RGS7: variants seen among roughly 807,000 people sequenced by gnomAD.
The protein encoded by RGS7 is regulator of G-protein signaling 7.
A neutral mutation model predicts 81.1 loss-of-function variants in RGS7; 27 were observed. The ratio of observed to expected loss-of-function variants is 0.33; its 90% CI spans 0.25 to 0.46. The LOEUF (loss-of-function observed/expected upper bound fraction) is 0.46. Ranked by LOEUF, RGS7 falls within the 20% of genes least tolerant of loss-of-function variation. The pLI, the probability that RGS7 is intolerant of heterozygous loss-of-function variation, is 1.00. For missense variants in RGS7, 396 were observed against 607.4 expected (o/e 0.65, Z 3.66); for synonymous variants, 208 against 207.7 (o/e 1.00, Z -0.01).
intron 2 of RGS7, among the ~76,000 whole-genome samples, chr1:241,140,068 T>C (rs537358665): frequency 6.6e-6 from 1 of 152,308 alleles, no homozygotes; most frequent in African/African-American, 2.4e-5. Context: ...TCTTCTCTCT[T>C]GTCTCCCCTC....
chr1:241,264,680 A>G (rs2077495874), intron 2 of RGS7, among the ~76,000 whole-genome samples: 1 of 152,236 alleles, frequency 6.6e-6, no homozygotes, highest in Admixed American at 6.5e-5. Context: ...CCAGTAAGCT[A>G]CATGATCTTT....
chr1:241,297,170 G>A (rs1162790054), intron 2 of RGS7, among the ~76,000 whole-genome samples: 1 of 152,074 alleles, frequency 6.6e-6, no homozygotes, highest in Non-Finnish European at 1.5e-5. Context: ...ATGAACTGCT[G>A]TATCCCCAGA....
intron 2 of RGS7, among the ~76,000 whole-genome samples, chr1:241,196,394 A>T (rs1318683567): frequency 6.6e-6 from 1 of 152,046 alleles, no homozygotes; most frequent in African/African-American, 2.4e-5. Flanking sequence ...GTAAAAAAAA[A>T]CCCCATCTGT....
At chr1:241,208,192 C>T (rs996342479) in intron 2 of RGS7, among the ~76,000 whole-genome samples, 5 of 152,148 alleles carry the variant, frequency 3.3e-5, no homozygotes, top group African/African-American at 9.7e-5. Flanking sequence ...GCGTGAGCCA[C>T]CGCGCCTGGA....
At chr1:240,932,068 T>C (rs1314413364) in intron 5 of RGS7, among the ~76,000 whole-genome samples, 7 of 152,208 alleles carry the variant, frequency 4.6e-5, no homozygotes, top group Non-Finnish European at 1.0e-4. Context: ...CATCTCTGAT[T>C]ATCTGATCAT....
intron 3 of RGS7, among the ~76,000 whole-genome samples, chr1:241,061,005 C>T (rs2061713243): frequency 6.6e-6 from 1 of 152,214 alleles, no homozygotes; most frequent in Non-Finnish European, 1.5e-5. Flanking sequence ...GCCCATGCCA[C>T]CACCTGCTCC....
chr1:240,884,757 A>T (rs1667057194), intron 6 of RGS7, among the ~76,000 whole-genome samples: 1 of 152,356 alleles, frequency 6.6e-6, no homozygotes, highest in Admixed American at 6.5e-5. Flanking sequence ...AATTCAACTT[A>T]AGATGGATTA....
intron 6 of RGS7, among the ~76,000 whole-genome samples, chr1:240,908,439 G>A (rs963290682): frequency 3.3e-5 from 5 of 152,146 alleles, no homozygotes; most frequent in Admixed American, 1.3e-4. Context: ...ATGAATGAAC[G>A]AATGTCTTTC....
intron 18 of RGS7, 129 bp from the exon 19 acceptor site, chr1:240,776,342 A>G (rs1572020493): frequency 4.1e-6 from 3 of 732,216 alleles, no homozygotes; most frequent in Non-Finnish European, 7.4e-6. Flanking sequence ...CTTTAAGTCC[A>G]TCTTAGTTCA....
chr1:240,776,097 C>A lies in RGS7; in HGVS notation c.*123G>T. The A allele has an allele frequency of 2.5e-6, 3 of 1,214,450 alleles. No individual in the cohort carries two copies. The South Asian group carries it at 3.6e-5, about 15-fold the overall frequency. 75.2% of individuals were successfully genotyped at this position (1,214,450 alleles called of 1,614,324 possible). A position where few individuals can be genotyped will look rare whatever the true frequency, so the allele number is the denominator to read the frequency against. On this transcript the variant is annotated 3_prime_UTR_variant, in exon 19 of 19. Coordinates refer to ENST00000440928, the MANE Select transcript of RGS7 (RefSeq NM_001364886.1). ...TGTTCTAATGTCCTCTGCTCCAGGT[C>A]ACAACATTGAGCTACAAAGTGTGTG... is the stretch of plus-strand genomic sequence containing the variant.
At chr1:240,853,801 T>G (rs564531206) in intron 9 of RGS7, among the ~76,000 whole-genome samples, 1 of 143,532 alleles carries the variant, frequency 7.0e-6, no homozygotes, top group African/African-American at 2.6e-5. Flanking sequence ...CTCAGGAGGC[T>G]GAGGCAGGAG....
At chr1:240,812,989 GA>G (rs1301833180) in intron 13 of RGS7, among the ~76,000 whole-genome samples, 1 of 152,152 alleles carries the variant, frequency 6.6e-6, no homozygotes, top group African/African-American at 2.4e-5. Context: ...AGAGAGACCA[GA>G]AATGCAATCT....
At chr1:240,843,266 TC>T (rs1468063882) in intron 9 of RGS7, among the ~76,000 whole-genome samples, 1 of 152,118 alleles carries the variant, frequency 6.6e-6, no homozygotes, top group African/African-American at 2.4e-5. Context: ...TATCTTTTTT[TC>T]TTTTTTCTTT....
chr1:241,191,185 T>A (rs995248972), intron 2 of RGS7, among the ~76,000 whole-genome samples: 1 of 152,156 alleles, frequency 6.6e-6, no homozygotes, highest in Non-Finnish European at 1.5e-5. Context: ...TTTCACCATG[T>A]TGGCCAGGAT....
chr1:240,903,461 T>A lies in RGS7; in HGVS notation c.385+27256A>T, dbSNP rs1670334006. On this transcript the variant is annotated intron_variant, in intron 6 of 18. Transcript: ENST00000440928. ...CCTTCGTCACTTAAGGGTTATTGCC[T>A]ATTCATTAGTGGGAAGAATAATATA... 2.0e-5 allele frequency among the ~76,000 whole-genome samples: 3 copies of A among 152,154 alleles called. No homozygotes were observed. In the South Asian group the frequency reaches 6.2e-4, roughly 31 times the overall value.
chr1:241,329,908 C>T (rs949529666), intron 2 of RGS7, among the ~76,000 whole-genome samples: 5 of 151,724 alleles, frequency 3.3e-5, no homozygotes, highest in African/African-American at 1.2e-4. Context: ...AACTTGATGG[C>T]AATTTTTCTT....
intron 6 of RGS7, among the ~76,000 whole-genome samples, chr1:240,911,192 C>T (rs1210734281): frequency 2.0e-5 from 3 of 152,158 alleles, no homozygotes; most frequent in African/African-American, 7.2e-5. Context: ...ACCACTGACT[C>T]AGCATCATTT....
intron 2 of RGS7, among the ~76,000 whole-genome samples, chr1:241,256,103 T>G (rs2077041904): frequency 6.6e-6 from 1 of 152,200 alleles, no homozygotes; most frequent in African/African-American, 2.4e-5. Context: ...GAATCCCTGT[T>G]CTGTAATTCT....
intron 6 of RGS7, among the ~76,000 whole-genome samples, chr1:240,884,564 G>A (rs898143299): frequency 4.6e-5 from 7 of 152,186 alleles, no homozygotes; most frequent in African/African-American, 1.7e-4. Context: ...CAGGCACATA[G>A]AGCAATGGAA....
Sources: gnomAD v4.1 joint callset for allele counts (sites outside exome capture counted in the v4.1 genomes callset) on GRCh38, gnomAD v4.1.1 for gene constraint, MANE v1.5 for transcripts, NCBI Gene and HGNC (gene_info 2026-07-23, HGNC 2026-07-21) for gene names.